Variants in SLC25A37 observed in about 807,000 individuals in gnomAD.
SLC25A37 encodes the protein solute carrier family 25 member 37, also known as mitoferrin-1.
SLC25A37 carries 17 observed loss-of-function variants against 31.0 expected under a neutral mutation model. That is an observed-to-expected ratio of 0.55 (90% CI 0.38 to 0.82). The LOEUF (loss-of-function observed/expected upper bound fraction) is 0.82, where lower values mean the gene tolerates loss of function less well. Ranked by LOEUF, SLC25A37 falls within the 40% of genes least tolerant of loss-of-function variation. The probability of loss-of-function intolerance (pLI) is 0.00; values close to 1 mark genes in which losing one functional copy is unlikely to be tolerated. For missense variants in SLC25A37, 404 were observed against 465.8 expected, an observed-to-expected ratio of 0.87 and a Z score of 1.22; for synonymous variants, 222 against 193.0, an observed-to-expected ratio of 1.15 and a Z score of -1.24.
chr8:23,529,224 G>A lies in SLC25A37; in HGVS notation c.210+12G>A, dbSNP rs768823803. The A allele has an allele frequency of 6.2e-7, 1 of 1,602,078 alleles. No individual in the cohort carries two copies. The highest frequency in any genetic ancestry group is 8.5e-7 in the Non-Finnish European group (1 of 1,175,286). On this transcript the variant is annotated intron_variant, in intron 1 of 3. Transcript: ENST00000519973. This position sits in a 1 kb window ranked among gnomAD's most constrained non-coding sequence, Gnocchi z 4.1. The stretch of plus-strand genomic sequence containing the variant: ...TGGACTCGGTGAAGGTGAGGCGCGG[G>A]GAGACTTCGGGGACGCAACGAGCGG...
chr8:23,535,519 A>G (rs1228930514), intron 1 of SLC25A37, among the ~76,000 whole-genome samples: 2 of 152,084 alleles, frequency 1.3e-5, no homozygotes, highest in African/African-American at 2.4e-5. Context: ...GATGTATACA[A>G]ACCACCTTGA....
intron 1 of SLC25A37, among the ~76,000 whole-genome samples, chr8:23,556,600 A>G (rs761204146): frequency 6.6e-6 from 1 of 151,926 alleles, no homozygotes; most frequent in Non-Finnish European, 1.5e-5. Context: ...GCATGTGTAT[A>G]TATATGTGTG....
rs752099244 is a variant in SLC25A37 at position 23,529,180 on chromosome 8, C to T, written c.178C>T (p.His60Tyr). 6.2e-7 allele frequency: 1 copy of T among 1,611,606 alleles called. No homozygotes were observed. Among genetic ancestry groups the T allele is most frequent in the East Asian group, 2.2e-5 (1 of 44,694 alleles). Reference protein sequence around the residue: ...TAGAMAGILEHSVMYPVDSVK... With the variant: ...TAGAMAGILEYSVMYPVDSVK... Reference sequence around the variant, plus strand: ...AGGAGCGATGGCCGGGATCCTGGAGCACTCGGTCATGTACCCGGTGGACTC... The same window carrying T: ...AGGAGCGATGGCCGGGATCCTGGAGTACTCGGTCATGTACCCGGTGGACTC... The change falls in exon 1 of 4, where the codon CAC becomes TAC. Residue 60 changes from histidine (H) to tyrosine (Y), a missense_variant. Physicochemically the swap from His to Tyr is moderately conservative, Grantham distance 83. Transcript: ENST00000519973. The surrounding 1 kb of genome is among the most constrained non-coding windows in gnomAD (Gnocchi z 4.1).
At chr8:23,547,609 A>T (rs1802102546) in intron 1 of SLC25A37, among the ~76,000 whole-genome samples, 1 of 152,208 alleles carries the variant, frequency 6.6e-6, no homozygotes, top group Non-Finnish European at 1.5e-5. Flanking sequence ...ATACAGGCTC[A>T]CAAGCACTTT....
chr8:23,568,456 AGG>A lies in SLC25A37; in HGVS notation c.496+79_496+80del. The stretch of plus-strand genomic sequence containing the variant: ...AAAAAATGGTTGTGGGAGAGTGGAG[AGG>A]ACTGAAGGTGGGCAGAGCGGCTCCT... On this transcript the variant is annotated intron_variant, in intron 3 of 3. Coordinates refer to ENST00000519973, the MANE Select transcript of SLC25A37 (RefSeq NM_016612.4). 1.9e-6 allele frequency: 3 copies of A among 1,542,234 alleles called. No homozygotes were observed. In the South Asian group the frequency reaches 3.3e-5, roughly 17 times the overall value.
chr8:23,546,616 G>A (rs192095068), intron 1 of SLC25A37, among the ~76,000 whole-genome samples: 20,932 of 135,460 alleles, frequency 0.15, 2,325 homozygotes, highest in Admixed American at 0.25. Context: ...GTGTGTGTGT[G>A]TGTGTATATA....
At chr8:23,541,462 T>G (rs1485514473) in intron 1 of SLC25A37, 1 of 152,272 alleles carries the variant, frequency 6.6e-6, no homozygotes, top group Non-Finnish European at 1.5e-5. Context: ...CCGTCACTGT[T>G]TTCCTCACTT....
At chr8:23,564,707 TTTGG>T (rs1168227777) in intron 1 of SLC25A37, among the ~76,000 whole-genome samples, 4 of 152,150 alleles carry the variant, frequency 2.6e-5, no homozygotes, top group Non-Finnish European at 5.9e-5. Flanking sequence ...AAGACCAGCC[TTTGG>T]TTGAAGACCT....
chr8:23,536,616 T>C (rs563498304), intron 1 of SLC25A37, among the ~76,000 whole-genome samples: 30 of 152,288 alleles, frequency 2.0e-4, no homozygotes, highest in African/African-American at 6.5e-4. Flanking sequence ...GCCCAGACTT[T>C]CTGGAGCTGA....
chr8:23,532,661 C>T (rs1387505416), intron 1 of SLC25A37, among the ~76,000 whole-genome samples: 2 of 152,214 alleles, frequency 1.3e-5, no homozygotes, highest in Non-Finnish European at 2.9e-5. Flanking sequence ...TGGGGGAAAC[C>T]CTGCCTGTGA....
At position 23,563,735 on chromosome 8, in the gene SLC25A37, A is replaced by G. The variant is rs575492712; in HGVS notation, c.211-2373A>G. Among the ~76,000 whole-genome samples the G allele has an allele frequency of 1.3e-3, 199 of 152,260 alleles. 1 individual carries two copies. The highest frequency in any genetic ancestry group is 4.7e-3 in the African/African-American group (194 of 41,544). ...AGTGGCTCACGCCTGTAATCCCAGC[A>G]CTTTGGGAAGCCGAAGCAAGTGGAT... On this transcript the variant is annotated intron_variant, in intron 1 of 3. Coordinates refer to ENST00000519973, the MANE Select transcript of SLC25A37 (RefSeq NM_016612.4).
chr8:23,530,956 A>G (rs1801650216), intron 1 of SLC25A37, among the ~76,000 whole-genome samples: 1 of 152,142 alleles, frequency 6.6e-6, no homozygotes, highest in South Asian at 2.1e-4. Context: ...ACATGTTGAT[A>G]TGTTTTGGTT....
chr8:23,569,427 A>ACACACACACACACT (rs1182003929), intron 3 of SLC25A37, among the ~76,000 whole-genome samples: 2 of 151,154 alleles, frequency 1.3e-5, no homozygotes, highest in East Asian at 2.0e-4. Flanking sequence ...ACACACACAC[A>ACACACACACACACT]CTCACTCTCT....
intron 1 of SLC25A37, among the ~76,000 whole-genome samples, chr8:23,563,196 A>T (rs187064542): frequency 7.9e-5 from 12 of 151,782 alleles, no homozygotes; most frequent in Admixed American, 2.6e-4. Context: ...TTAATTTTTA[A>T]TTTTTTTTAA....
chr8:23,556,392 A>T (rs887644508), intron 1 of SLC25A37, among the ~76,000 whole-genome samples: 11 of 151,764 alleles, frequency 7.2e-5, no homozygotes, highest in East Asian at 1.9e-4. Flanking sequence ...TAATTTTTTT[A>T]AAAAATTACT....
rs571337028 is a variant in SLC25A37, at chr8:23,570,355, C to T, written c.497-980C>T. Among the ~76,000 whole-genome samples, 3 of 130,698 alleles carry T rather than the reference C, an allele frequency of 2.3e-5. No homozygotes were observed. In the South Asian group the frequency reaches 7.8e-4, roughly 34 times the overall value. The allele number at this position is 130,698 out of a possible 152,430, so 85.7% of individuals were successfully genotyped here. On this transcript the variant is annotated intron_variant, in intron 3 of 3. Coordinates refer to ENST00000519973, the MANE Select transcript of SLC25A37 (RefSeq NM_016612.4). Reference sequence around the variant, plus strand: ...TTCATGGCTTGTCCTGTAATGAATGCGTTCAAGACAGTGTTTTGGGGACAG... The same window carrying T: ...TTCATGGCTTGTCCTGTAATGAATGTGTTCAAGACAGTGTTTTGGGGACAG...
At chr8:23,530,165 T>C (rs933777820) in intron 1 of SLC25A37, among the ~76,000 whole-genome samples, 2 of 152,222 alleles carry the variant, frequency 1.3e-5, no homozygotes, top group Non-Finnish European at 2.9e-5. Context: ...ATAACTCGCC[T>C]AATTCATGCA....
At position 23,568,767 on chromosome 8, in the gene SLC25A37, A is replaced by AC. The variant is rs200858917; in HGVS notation, c.496+394dup. ...AGACCAGCCTGGCCAACATGGAGAG[A>AC]CCCCCATCTCTACTAAAAATACAAA... On this transcript the variant is annotated intron_variant, in intron 3 of 3. Transcript: ENST00000519973. The AC allele has an allele frequency of 4.9e-3, 1,185 of 241,430 alleles. 10 individuals are homozygous for AC. The highest frequency in any genetic ancestry group is 0.024 in the African/African-American group (1,068 of 44,500). 15.0% of individuals were successfully genotyped at this position (241,430 alleles called of 1,614,324 possible).
chr8:23,564,559 G>A (rs978835051), intron 1 of SLC25A37, among the ~76,000 whole-genome samples: 12 of 151,844 alleles, frequency 7.9e-5, no homozygotes, highest in Non-Finnish European at 1.6e-4. Context: ...GGAGGAAGAA[G>A]GAAGGAGGGA....
Sources: allele counts gnomAD v4.1 joint callset (sites outside exome capture counted in the v4.1 genomes callset), GRCh38; gene constraint gnomAD v4.1.1; non-coding constraint Gnocchi (gnomAD v3.1); transcripts MANE v1.5; gene names NCBI Gene and HGNC (gene_info 2026-07-23, HGNC 2026-07-21).